The following ACACA variants were observed in gnomAD, a reference collection of about 807,000 sequenced individuals.
The protein encoded by ACACA is acetyl-CoA carboxylase 1.
ACACA carries 103 observed loss-of-function variants against 296.1 expected under a neutral mutation model. The observed-to-expected ratio is 0.35, with a 90% CI of 0.30 to 0.41. The LOEUF is 0.41. Ranked by LOEUF, ACACA falls within the 10% of genes least tolerant of loss-of-function variation. The pLI is 1.00. For missense variants in ACACA, 1,554 were observed against 2,989.7 expected, an observed-to-expected ratio of 0.52 and a Z score of 11.20; for synonymous variants, 953 against 1,038.6, an observed-to-expected ratio of 0.92 and a Z score of 1.58.
chr17:37,242,127 G>A (rs532709120), intron 22 of ACACA, 74 bp from the exon 23 acceptor site: 45 of 1,109,356 alleles, frequency 4.1e-5, no homozygotes, highest in East Asian at 1.4e-4. Context: ...TCTATAGCAC[G>A]ACCAGTAGGA....
chr17:37,149,924 C>G lies in ACACA; in HGVS notation c.5619G>C (p.Gln1873His), dbSNP rs759077561. The G allele has an allele frequency of 1.4e-5, 23 of 1,614,118 alleles. No homozygotes were observed. The highest frequency in any genetic ancestry group is 1.8e-5 in the Non-Finnish European group (21 of 1,180,036). Residue 1873 changes from glutamine to histidine, a missense_variant, in exon 45 of 56, where the codon CAG becomes CAC. By Grantham distance (24) the Gln-to-His change is conservative (BLOSUM62 0). Around this residue, in one of 16 missense-constraint regions of ACACA, gnomAD observed 553 missense variants for 1,043.6 expected, o/e 0.53. Coordinates refer to ENST00000616317, the MANE Select transcript of ACACA (RefSeq NM_198834.3). ...GAGAATTCTCAACCTGGATGGTTCTCTGTCCCAGCCGGACAAGGTAAGCCC... is the reference window on the plus strand; with the variant it reads ...GAGAATTCTCAACCTGGATGGTTCTGTGTCCCAGCCGGACAAGGTAAGCCC... ...GIGAYLVRLGQRTIQVENSHL... is the reference protein window; with the variant it reads ...GIGAYLVRLGHRTIQVENSHL...
chr17:37,159,103 A>AG (rs1184160668), intron 42 of ACACA, among the ~76,000 whole-genome samples: 1 of 152,034 alleles, frequency 6.6e-6, no homozygotes, highest in African/African-American at 2.4e-5. Flanking sequence ...ACTTGAGCCC[A>AG]GGAGTTGGCA....
chr17:37,242,014 G>A lies in ACACA; in HGVS notation c.2971C>T (p.Arg991Trp), dbSNP rs200184474. ...ILDSHAATLN[R>W]KSEREVFFMN... ...AAGAAGACTTCCCGTTCAGATTTCC[G>A]GTTCAATGTAGCTGCATGGCTATCT... is the stretch of plus-strand genomic sequence containing the variant. Residue 991 changes from arginine to tryptophan, a missense_variant, in exon 23 of 56, where the codon CGG becomes TGG. This residue lies in a region of ACACA where 316 missense variants were observed against 540.9 expected (regional missense o/e 0.58). Transcript: ENST00000616317. 225 of 1,613,734 alleles carry A rather than the reference G, an allele frequency of 1.4e-4. No homozygotes were observed. Among genetic ancestry groups the A allele is most frequent in the Non-Finnish European group, 1.6e-4 (187 of 1,179,956 alleles).
intron 3 of ACACA, among the ~76,000 whole-genome samples, chr17:37,323,715 TAA>T (rs1001514250): frequency 2.0e-5 from 3 of 152,238 alleles, no homozygotes; most frequent in African/African-American, 4.8e-5. Flanking sequence ...TGCTAAGAGG[TAA>T]AAGACCCAAA....
rs543351047 is a variant in ACACA at position 37,252,119 on chromosome 17, G to A, written c.1978-11C>T. The A allele has an allele frequency of 6.2e-7, 1 of 1,611,828 alleles. No individual in the cohort carries two copies. The highest frequency in any genetic ancestry group is 1.1e-5 in the South Asian group (1 of 91,040). On this transcript the variant is annotated splice_polypyrimidine_tract_variant and intron_variant, in intron 15 of 55. Transcript: ENST00000616317. ...GTCAGGTCGCTCAGCCTGAAAGGAG[G>A]AAAAAGAGGGCAGATCAAATGCATG...
intron 3 of ACACA, among the ~76,000 whole-genome samples, chr17:37,296,763 C>T (rs2411158): frequency 0.13 from 19,120 of 152,014 alleles, 1,817 homozygotes; most frequent in East Asian, 0.45. Flanking sequence ...GTAGCCCAGG[C>T]TGGAGTACAG....
Position 37,330,393 on chromosome 17 carries a change from C to A in ACACA, c.118G>T (p.Glu40Ter). 6.2e-7 allele frequency: 1 copy of A among 1,614,166 alleles called. No individual in the cohort carries two copies. The highest frequency in any genetic ancestry group is 8.5e-7 in the Non-Finnish European group (1 of 1,180,026). ...VRAHFGGIMD[E>*]PSPLAQPLEL... ...AGAGGTTGGGCCAAGGGAGATGGTT[C>A]ATCCATTATTCCTCCAAAATGAGCT... is the stretch of plus-strand genomic sequence containing the variant. The change falls in exon 3 of 56, where the codon GAA (glutamate) becomes TAA (stop). Residue 40 changes from glutamate to a stop codon, truncating the protein, a stop_gained. Transcript: ENST00000616317. LOFTEE classifies it high-confidence loss of function.
rs531868157 is a variant in ACACA at position 37,406,247 on chromosome 17, G to A, written c.38+15C>T. The A allele has an allele frequency of 1.9e-6, 3 of 1,613,376 alleles. No homozygotes were observed. Among genetic ancestry groups the A allele is most frequent in the Admixed American group, 3.3e-5 (2 of 60,016 alleles). On this transcript the variant is annotated intron_variant, in intron 1 of 55. Coordinates refer to ENST00000616317, the MANE Select transcript of ACACA (RefSeq NM_198834.3). ...ATCATCATTAACAGCAGTAATAAGA[G>A]ATCTTGGGACATACCTAGCCCTCAA... is the stretch of plus-strand genomic sequence containing the variant.
intron 47 of ACACA, among the ~76,000 whole-genome samples, chr17:37,126,125 A>G (rs888769980): frequency 6.6e-6 from 1 of 152,244 alleles, no homozygotes; most frequent in Non-Finnish European, 1.5e-5. Context: ...ACATTTGTCA[A>G]AAGGCTGCCA....
At chr17:37,381,905 G>A (rs886679040) in intron 1 of ACACA, among the ~76,000 whole-genome samples, 2 of 152,218 alleles carry the variant, frequency 1.3e-5, no homozygotes, top group African/African-American at 4.8e-5. Context: ...GGGATTACAG[G>A]CGTGAGCCAC....
intron 3 of ACACA, among the ~76,000 whole-genome samples, chr17:37,295,223 CTGCAGT>C (rs2083271047): frequency 6.6e-6 from 1 of 152,188 alleles, no homozygotes; most frequent in African/African-American, 2.4e-5. Context: ...GGCCAGAAAC[CTGCAGT>C]TGCCTCTGTG....
chr17:37,371,526 C>T (rs2049806155), intron 1 of ACACA, among the ~76,000 whole-genome samples: 1 of 151,882 alleles, frequency 6.6e-6, no homozygotes, highest in South Asian at 2.1e-4. Context: ...ATATGTTCAC[C>T]TTTTCAGTAT....
chr17:37,212,211 C>T (rs2078778066), intron 29 of ACACA, among the ~76,000 whole-genome samples: 1 of 152,116 alleles, frequency 6.6e-6, no homozygotes, highest in South Asian at 2.1e-4. Flanking sequence ...AACAAATTTC[C>T]TAATCTAATA....
intron 54 of ACACA, among the ~76,000 whole-genome samples, chr17:37,089,477 G>T (rs1211877330): frequency 2.0e-5 from 3 of 152,350 alleles, no homozygotes; most frequent in African/African-American, 7.2e-5. Context: ...TGTTTATTTG[G>T]TGTTTTGCTC....
At chr17:37,274,482 G>A (rs1485489219) in intron 8 of ACACA, 183 bp from the exon 9 acceptor site, 5 of 559,480 alleles carry the variant, frequency 8.9e-6, no homozygotes, top group Admixed American at 6.4e-5. Context: ...AGCATGACCC[G>A]GCAACTTGGG....
intron 29 of ACACA, among the ~76,000 whole-genome samples, chr17:37,219,708 A>C (rs1006481075): frequency 6.7e-5 from 10 of 148,332 alleles, no homozygotes; most frequent in Non-Finnish European, 1.3e-4. Context: ...TATATAAAAA[A>C]CACATTTTTC....
At chr17:37,197,873 C>T (rs1332592620) in intron 35 of ACACA, among the ~76,000 whole-genome samples, 1 of 152,218 alleles carries the variant, frequency 6.6e-6, no homozygotes, top group Non-Finnish European at 1.5e-5. Context: ...CCTTAATGTT[C>T]TCTATGCTCT....
intron 3 of ACACA, among the ~76,000 whole-genome samples, chr17:37,319,986 G>T (rs2147108982): frequency 6.6e-6 from 1 of 151,654 alleles, no homozygotes; most frequent in East Asian, 2.0e-4. Flanking sequence ...ACTTAGCTGG[G>T]AATGGTGGCA....
rs141886488 is a variant in ACACA, at chr17:37,189,642, A to G, written c.4573-1162T>C. Among the ~76,000 whole-genome samples the G allele has an allele frequency of 7.8e-3, 1,183 of 152,276 alleles. 12 individuals are homozygous for G. Among genetic ancestry groups the G allele is most frequent in the Middle Eastern group, 0.017 (5 of 294 alleles). ...GATCTGAAAAACTCAGAGAAAAGGT[A>G]AGCCAAATCTAAAAAAAAATACAGC... On this transcript the variant is annotated intron_variant, in intron 38 of 55. Transcript: ENST00000616317.
Sources: allele counts gnomAD v4.1 joint callset (sites outside exome capture counted in the v4.1 genomes callset), GRCh38; gene constraint gnomAD v4.1.1; regional missense constraint gnomAD v4.1.1; transcripts MANE v1.5; gene names NCBI Gene and HGNC (gene_info 2026-07-23, HGNC 2026-07-21).